DENND1A: variants seen among roughly 807,000 people sequenced by gnomAD.
The protein encoded by DENND1A is DENN domain-containing protein 1A.
In DENND1A, 51 loss-of-function variants were observed where a neutral mutation model predicts 113.7. That is an observed-to-expected ratio of 0.45 (90% confidence interval 0.36 to 0.57). The LOEUF (loss-of-function observed/expected upper bound fraction) is 0.57. DENND1A is among the 20% of genes least tolerant of loss of function. The pLI is 0.00. For synonymous variants in DENND1A, 565 were observed against 570.8 expected (o/e 0.99, Z 0.14); for missense variants, 1,258 against 1,395.9 (o/e 0.90, Z 1.57).
In DENND1A at chr9:123,538,673, TTAAA is replaced by T. The variant is rs1208590807; in HGVS notation, c.993+18893_993+18896del. On this transcript the variant is annotated intron_variant, in intron 13 of 23. Coordinates refer to ENST00000394215, the MANE Select transcript of DENND1A (RefSeq NM_001352964.2). ...TTTAATAATTAAAAATTAAAAGTAA[TTAAA>T]TAAAAAATGACAATCGCAATGAACC... Among the ~76,000 whole-genome samples, 26 of 148,738 alleles carry T rather than the reference TTAAA, an allele frequency of 1.7e-4. No homozygotes were observed. In the East Asian group the frequency reaches 4.9e-3, roughly 28 times the overall value.
At chr9:123,644,415 A>G (rs1245690666) in intron 9 of DENND1A, among the ~76,000 whole-genome samples, 1 of 146,544 alleles carries the variant, frequency 6.8e-6, no homozygotes, top group African/African-American at 2.5e-5. Flanking sequence ...TCTAAGTACT[A>G]TACAATCAGG....
intron 1 of DENND1A, among the ~76,000 whole-genome samples, chr9:123,917,420 C>G (rs921683187): frequency 6.6e-6 from 1 of 151,950 alleles, no homozygotes; most frequent in Non-Finnish European, 1.5e-5. Context: ...CTAGGTATTG[C>G]GGGATAAAGC....
At chr9:123,684,961 C>G (rs2064715988) in intron 5 of DENND1A, among the ~76,000 whole-genome samples, 1 of 152,180 alleles carries the variant, frequency 6.6e-6, no homozygotes, top group Admixed American at 6.5e-5. Flanking sequence ...TCTAGAAAGT[C>G]TTCCAAGAGG....
intron 8 of DENND1A, among the ~76,000 whole-genome samples, chr9:123,658,627 C>A (rs1364759658): frequency 6.6e-6 from 1 of 152,192 alleles, no homozygotes; most frequent in Admixed American, 6.5e-5. Flanking sequence ...TCATTAATGT[C>A]TTGCAGACAA....
chr9:123,686,008 A>C (rs551920009), intron 5 of DENND1A, among the ~76,000 whole-genome samples: 15 of 152,050 alleles, frequency 9.9e-5, no homozygotes, highest in Non-Finnish European at 2.1e-4. Flanking sequence ...AAAAAAAAAA[A>C]ACACAACAAA....
At chr9:123,624,797 G>C (rs1251705314) in intron 10 of DENND1A, among the ~76,000 whole-genome samples, 3 of 152,244 alleles carry the variant, frequency 2.0e-5, no homozygotes, top group African/African-American at 7.2e-5. Flanking sequence ...GCTAGAGTTA[G>C]AGAAGGTTGA....
intron 2 of DENND1A, among the ~76,000 whole-genome samples, chr9:123,820,220 T>A (rs1182908736): frequency 6.6e-6 from 1 of 152,234 alleles, no homozygotes. Context: ...CTATGGCACA[T>A]GCCAATTCTC....
intron 2 of DENND1A, among the ~76,000 whole-genome samples, chr9:123,846,160 T>C (rs1055920000): frequency 1.3e-4 from 20 of 152,146 alleles, no homozygotes; most frequent in African/African-American, 4.8e-4. Context: ...TCATCCCCAC[T>C]AGAATGGCTA....
At chr9:123,502,873 C>T (rs191428718) in intron 13 of DENND1A, among the ~76,000 whole-genome samples, 43 of 152,322 alleles carry the variant, frequency 2.8e-4, no homozygotes, top group Admixed American at 2.6e-3. Context: ...AACATGGCTA[C>T]AGAGAAACAT....
In DENND1A at chr9:123,499,314, G is replaced by A. The variant is rs141593311; in HGVS notation, c.994-41417C>T. ...CTCCCAAAGTGCTGGGATTACAGGC[G>A]TGAGCCAGCACGCTCGGCCTCACTT... On this transcript the variant is annotated intron_variant, in intron 13 of 23. Transcript: ENST00000394215. 5.1e-3 allele frequency among the ~76,000 whole-genome samples: 774 copies of A among 152,342 alleles called. 5 individuals carry two copies. The highest frequency in any genetic ancestry group is 0.014 in the Middle Eastern group (4 of 294).
intron 20 of DENND1A, among the ~76,000 whole-genome samples, chr9:123,408,583 G>A (rs1044944044): frequency 1.3e-5 from 2 of 152,186 alleles, no homozygotes; most frequent in African/African-American, 4.8e-5. Flanking sequence ...ACCAGGGCAG[G>A]CCTCTCTGAC....
intron 2 of DENND1A, among the ~76,000 whole-genome samples, chr9:123,805,150 T>C (rs1264986530): frequency 6.6e-6 from 1 of 152,192 alleles, no homozygotes; most frequent in African/African-American, 2.4e-5. Flanking sequence ...TTTCCCAATG[T>C]GGCCTTCCCT....
intron 5 of DENND1A, among the ~76,000 whole-genome samples, chr9:123,726,217 C>T (rs2067695348): frequency 6.6e-6 from 1 of 152,108 alleles, no homozygotes. Flanking sequence ...CTTCTCAGGA[C>T]TTTACATGTA....
intron 2 of DENND1A, among the ~76,000 whole-genome samples, chr9:123,842,332 T>C (rs1245026098): frequency 3.9e-5 from 6 of 152,156 alleles, no homozygotes; most frequent in African/African-American, 1.4e-4. Flanking sequence ...TACTTTGCAG[T>C]GGCTGCAAGT....
intron 13 of DENND1A, among the ~76,000 whole-genome samples, chr9:123,517,021 ATTTAG>A (rs971862062): frequency 2.0e-5 from 3 of 151,790 alleles, no homozygotes; most frequent in Non-Finnish European, 4.4e-5. Context: ...ATTGCTGGGA[ATTTAG>A]TTTAAGGAAA....
intron 22 of DENND1A, among the ~76,000 whole-genome samples, chr9:123,386,326 A>G (rs897338030): frequency 1.8e-4 from 27 of 152,046 alleles, no homozygotes; most frequent in African/African-American, 6.5e-4. Context: ...CATACAGCAA[A>G]AGTGACGTGT....
At chr9:123,434,146 C>T (rs1205542543) in intron 19 of DENND1A, among the ~76,000 whole-genome samples, 1 of 152,224 alleles carries the variant, frequency 6.6e-6, no homozygotes, top group East Asian at 1.9e-4. Flanking sequence ...CCTGCCTCAG[C>T]CTCCTGAGAA....
At chr9:123,528,557 T>C (rs2055033322) in intron 13 of DENND1A, among the ~76,000 whole-genome samples, 1 of 152,206 alleles carries the variant, frequency 6.6e-6, no homozygotes. Flanking sequence ...CCCTCAGATG[T>C]GTTCTTCTCA....
Position 123,760,912 on chromosome 9 carries a change from G to A in DENND1A, c.183-3090C>T, listed in dbSNP as rs151309873. Among the ~76,000 whole-genome samples the A allele has an allele frequency of 3.1e-3, 467 of 152,244 alleles. 2 individuals carry two copies. Among genetic ancestry groups the A allele is most frequent in the African/African-American group, 0.011 (446 of 41,538 alleles). On this transcript the variant is annotated intron_variant, in intron 4 of 23. Coordinates refer to ENST00000394215, the MANE Select transcript of DENND1A (RefSeq NM_001352964.2). Reference sequence around the variant, plus strand: ...TTGTGCTTTTAAGAAACACTACTACGTGATCATACAAAATATGATTGTTCA... The same window carrying A: ...TTGTGCTTTTAAGAAACACTACTACATGATCATACAAAATATGATTGTTCA...
Sources: gnomAD v4.1 joint callset for allele counts (sites outside exome capture counted in the v4.1 genomes callset) on GRCh38, gnomAD v4.1.1 for gene constraint, MANE v1.5 for transcripts, NCBI Gene and HGNC (gene_info 2026-07-23, HGNC 2026-07-21) for gene names.